Variants in GYPC observed in about 807,000 individuals in gnomAD.
The protein encoded by GYPC is glycophorin C (Gerbich blood group).
A neutral mutation model predicts 12.6 loss-of-function variants in GYPC; 14 were observed. The ratio of observed to expected loss-of-function variants is 1.11; its 90% CI spans 0.74 to 1.74. The LOEUF (loss-of-function observed/expected upper bound fraction) is 1.74, where lower values mean the gene tolerates loss of function less well. Ranked by LOEUF, GYPC falls within the 40% of genes most tolerant of loss-of-function variation. The probability of loss-of-function intolerance (pLI) is 0.00; values close to 1 mark genes in which losing one functional copy is unlikely to be tolerated. For missense variants in GYPC, 225 were observed against 172.1 expected, an observed-to-expected ratio of 1.31 and a Z score of -1.72; for synonymous variants, 78 against 62.1, an observed-to-expected ratio of 1.26 and a Z score of -1.20.
At chr2:126,690,465 G>A (rs1421117023) in intron 2 of GYPC, among the ~76,000 whole-genome samples, 154 bp downstream of exon 2, 1 of 152,160 alleles carries the variant, frequency 6.6e-6, no homozygotes, top group Non-Finnish European at 1.5e-5. Flanking sequence ...GGTGGCTGTG[G>A]CCATTTTTTC....
At chr2:126,667,514 C>T (rs554104510) in intron 1 of GYPC, among the ~76,000 whole-genome samples, 96 of 152,068 alleles carry the variant, frequency 6.3e-4, no homozygotes, top group African/African-American at 2.0e-3. Flanking sequence ...AGCAATTCTC[C>T]TGCCTTAGCC....
chr2:126,690,743 C>T (rs776555309), intron 2 of GYPC, among the ~76,000 whole-genome samples: 10 of 152,046 alleles, frequency 6.6e-5, no homozygotes, highest in Admixed American at 1.3e-4. Flanking sequence ...GTCCATGACC[C>T]CCAACCCTCC....
intron 1 of GYPC, among the ~76,000 whole-genome samples, chr2:126,660,764 T>A (rs549037008): frequency 2.8e-4 from 42 of 152,116 alleles, no homozygotes; most frequent in Non-Finnish European, 4.6e-4. Context: ...GGTCCAGAAC[T>A]TGGCATGGAC....
chr2:126,693,780 G>A (rs755201597), intron 2 of GYPC, 84 bp from the exon 3 acceptor site: 5 of 912,852 alleles, frequency 5.5e-6, no homozygotes, highest in South Asian at 2.6e-5. Context: ...TCACACCTGA[G>A]CAAAGGATGC....
At chr2:126,681,784 A>T (rs1010427457) in intron 1 of GYPC, among the ~76,000 whole-genome samples, 34 of 148,248 alleles carry the variant, frequency 2.3e-4, no homozygotes, top group Admixed American at 6.2e-4. Flanking sequence ...CATCCAAAAA[A>T]AAAAAAAAAA....
chr2:126,689,701 TC>T (rs1683398506), intron 1 of GYPC, among the ~76,000 whole-genome samples: 1 of 152,124 alleles, frequency 6.6e-6, no homozygotes, highest in Admixed American at 6.5e-5. Context: ...GAATGTCAGA[TC>T]CCCTTCTGCT....
chr2:126,687,765 A>G (rs1344411845), intron 1 of GYPC, among the ~76,000 whole-genome samples: 1 of 152,254 alleles, frequency 6.6e-6, no homozygotes, highest in African/African-American at 2.4e-5. Context: ...CGAAGCTCTC[A>G]GGTCCTACCT....
At chr2:126,683,121 CA>C (rs1683193523) in intron 1 of GYPC, among the ~76,000 whole-genome samples, 1 of 152,144 alleles carries the variant, frequency 6.6e-6, no homozygotes, top group South Asian at 2.1e-4. Flanking sequence ...AGTTCGAGAC[CA>C]GCCTGGGCAA....
intron 1 of GYPC, among the ~76,000 whole-genome samples, chr2:126,673,303 A>C (rs1682903575): frequency 6.6e-6 from 1 of 152,142 alleles, no homozygotes; most frequent in African/African-American, 2.4e-5. Flanking sequence ...GCCCCCGGGC[A>C]TCTGTCTGTA....
chr2:126,668,783 C>T (rs1682757160), intron 1 of GYPC, among the ~76,000 whole-genome samples: 1 of 152,200 alleles, frequency 6.6e-6, no homozygotes, highest in Non-Finnish European at 1.5e-5. Context: ...GCCGTCAGTC[C>T]TCAGAATTGA....
chr2:126,687,911 T>TC (rs28387193), intron 1 of GYPC, among the ~76,000 whole-genome samples: 49,811 of 151,946 alleles, frequency 0.33, 8,320 homozygotes, highest in Middle Eastern at 0.41. Flanking sequence ...GGAAACCAGC[T>TC]TACCAAGGCT....
intron 3 of GYPC, 86 bp downstream of exon 3, chr2:126,694,033 G>C: frequency 1.1e-6 from 1 of 929,854 alleles, no homozygotes; most frequent in East Asian, 2.4e-5. Flanking sequence ...CTAAGGACTT[G>C]GGCAGTGGTG....
chr2:126,677,425 ATGTGAGAGAG>A (rs375961807), intron 1 of GYPC, among the ~76,000 whole-genome samples: 25 of 144,690 alleles, frequency 1.7e-4, no homozygotes, highest in African/African-American at 6.4e-4. Context: ...GTGTGAGAGA[ATGTGAGAGAG>A]TAGGAGTGTG....
At chr2:126,673,258 G>A (rs968816512) in intron 1 of GYPC, among the ~76,000 whole-genome samples, 2 of 152,136 alleles carry the variant, frequency 1.3e-5, no homozygotes, top group African/African-American at 2.4e-5. Flanking sequence ...CCTGATTCCT[G>A]CGCTTCTCAT....
At position 126,696,120 on chromosome 2, in the gene GYPC, G is replaced by A. The variant is rs781664206; in HGVS notation, c.365G>A (p.Ser122Asn). Residue 122 changes from serine to asparagine, a missense_variant, in exon 4 of 4, where the codon AGC becomes AAC. Ser to Asn is a conservative substitution (Grantham distance 46, BLOSUM62 1). Coordinates refer to ENST00000259254, the MANE Select transcript of GYPC (RefSeq NM_002101.5). ...DPALQDAGDS[S>N]RKEYFI ...GCCCTCCAAGATGCTGGTGATAGCAGCAGAAAGGAGTACTTTATTTGAGGG... is the reference window on the plus strand; with the variant it reads ...GCCCTCCAAGATGCTGGTGATAGCAACAGAAAGGAGTACTTTATTTGAGGG... The A allele has an allele frequency of 8.7e-6, 14 of 1,613,502 alleles. No individual in the cohort carries two copies. The highest frequency in any genetic ancestry group is 1.2e-5 in the Non-Finnish European group (14 of 1,179,518).
At chr2:126,693,719 A>G (rs1278140803) in intron 2 of GYPC, 145 bp from the exon 3 acceptor site, 5 of 722,236 alleles carry the variant, frequency 6.9e-6, no homozygotes, top group Non-Finnish European at 1.3e-5. Flanking sequence ...TGCTAGGAGC[A>G]GTGGGTGCGC....
chr2:126,677,438 G>A (rs898994173), intron 1 of GYPC, among the ~76,000 whole-genome samples: 2 of 133,184 alleles, frequency 1.5e-5, no homozygotes, highest in Non-Finnish European at 3.4e-5. Flanking sequence ...TGAGAGAGTA[G>A]GAGTGTGTGT....
chr2:126,662,183 G>A (rs909937956), intron 1 of GYPC, among the ~76,000 whole-genome samples: 1 of 152,146 alleles, frequency 6.6e-6, no homozygotes, highest in Non-Finnish European at 1.5e-5. Flanking sequence ...AGTCTTAAAA[G>A]GGGGGAAATT....
chr2:126,661,197 G>C (rs1682525429), intron 1 of GYPC, among the ~76,000 whole-genome samples: 1 of 152,106 alleles, frequency 6.6e-6, no homozygotes, highest in South Asian at 2.1e-4. Context: ...CCAGCCCCTG[G>C]AGAGCCTCTG....
Sources: gnomAD v4.1 joint callset for allele counts (sites outside exome capture counted in the v4.1 genomes callset) on GRCh38, gnomAD v4.1.1 for gene constraint, MANE v1.5 for transcripts, NCBI Gene and HGNC (gene_info 2026-07-23, HGNC 2026-07-21) for gene names.